SLC26A4: variants seen among roughly 807,000 people sequenced by gnomAD.
SLC26A4 encodes pendrin.
In SLC26A4, 93 loss-of-function variants were observed where a neutral mutation model predicts 90.4. The ratio of observed to expected loss-of-function variants is 1.03; its 90% confidence interval spans 0.87 to 1.22. The LOEUF is 1.22. SLC26A4 is among the 50% of genes most tolerant of loss of function. The pLI, the probability that SLC26A4 is intolerant of heterozygous loss-of-function variation, is 0.00. For missense variants in SLC26A4, 1,127 were observed against 946.2 expected (o/e 1.19, Z -2.51); for synonymous variants, 393 against 354.6 (o/e 1.11, Z -1.22).
chr7:107,673,254 A>G (rs1057404768), intron 4 of SLC26A4, among the ~76,000 whole-genome samples: 3 of 152,198 alleles, frequency 2.0e-5, no homozygotes, highest in African/African-American at 7.2e-5. Flanking sequence ...ATGGATAAAA[A>G]TAACAGTAGT....
In SLC26A4 at chr7:107,661,723, A is replaced by C; in HGVS notation, c.82A>C (p.Ser28Arg). The C allele has an allele frequency of 6.4e-7, 1 of 1,559,538 alleles. No homozygotes were observed. Residue 28 changes from serine to arginine, a missense_variant, in exon 2 of 21, where the codon AGC (serine) becomes CGC (arginine). Coordinates refer to ENST00000644269, the MANE Select transcript of SLC26A4 (RefSeq NM_000441.2). The surrounding 1 kb of genome is among the most constrained non-coding windows in gnomAD (Gnocchi z 5.1). ...CTACATGGTGTCGCGGCCGGTCTACAGCGAGCTCGCTTTCCAGCAACAGCA... is the reference window on the plus strand; with the variant it reads ...CTACATGGTGTCGCGGCCGGTCTACCGCGAGCTCGCTTTCCAGCAACAGCA... ...CSYMVSRPVY[S>R]ELAFQQQHER...
chr7:107,692,738 C>G (rs955981275), intron 10 of SLC26A4, among the ~76,000 whole-genome samples: 1 of 152,202 alleles, frequency 6.6e-6, no homozygotes, highest in African/African-American at 2.4e-5. Flanking sequence ...ACAAACCACT[C>G]TTTAGCTCTG....
intron 4 of SLC26A4, among the ~76,000 whole-genome samples, chr7:107,672,995 C>G (rs1047344112): frequency 1.6e-4 from 24 of 152,246 alleles, no homozygotes; most frequent in Middle Eastern, 3.4e-3. Flanking sequence ...CTACTTTATC[C>G]CCAACCCATG....
At chr7:107,701,355 G>A (rs1439643431) in intron 16 of SLC26A4, among the ~76,000 whole-genome samples, 159 bp downstream of exon 16, 1 of 152,200 alleles carries the variant, frequency 6.6e-6, no homozygotes, top group Non-Finnish European at 1.5e-5. Context: ...TTATAGGCAA[G>A]CGGGAGTGGA....
chr7:107,670,432 C>T (rs1221145151), intron 3 of SLC26A4, among the ~76,000 whole-genome samples: 1 of 152,062 alleles, frequency 6.6e-6, no homozygotes, highest in African/African-American at 2.4e-5. Flanking sequence ...AATGCGTACA[C>T]TCCCACAGGC....
intron 10 of SLC26A4, chr7:107,693,041 G>A (rs1428428775): frequency 2.0e-5 from 3 of 152,502 alleles, no homozygotes; most frequent in Non-Finnish European, 4.4e-5. Context: ...CCCATCCACA[G>A]TGAGATGCAA....
chr7:107,679,854 A>ATTATATTATATAATC lies in SLC26A4; in HGVS notation c.766-3328_766-3314dup, dbSNP rs1226755815. 3.7e-5 allele frequency among the ~76,000 whole-genome samples: 3 copies of ATTATATTATATAATC among 80,916 alleles called. No homozygotes were observed. In the East Asian group the frequency reaches 9.0e-4, roughly 24 times the overall value. The allele number at this position is 80,916 out of a possible 152,430, so 53.1% of individuals were successfully genotyped here. The stretch of plus-strand genomic sequence containing the variant: ...TTATATTATTATATAATCTTATATT[A>ATTATATTATATAATC]TTATATTATATAATCTTATATTATA... On this transcript the variant is annotated intron_variant, in intron 6 of 20. Coordinates refer to ENST00000644269, the MANE Select transcript of SLC26A4 (RefSeq NM_000441.2).
intron 17 of SLC26A4, 131 bp downstream of exon 17, chr7:107,702,188 A>AG: frequency 1.4e-6 from 1 of 724,564 alleles, no homozygotes; most frequent in Non-Finnish European, 2.5e-6. Context: ...TTTGTAAAAA[A>AG]GTGTAATATT....
In SLC26A4 at chr7:107,682,335, A is replaced by G. The variant is rs2129314232; in HGVS notation, c.766-867A>G. 2.0e-5 allele frequency among the ~76,000 whole-genome samples: 3 copies of G among 152,150 alleles called. No individual in the cohort carries two copies. In the South Asian group the frequency reaches 6.2e-4, roughly 32 times the overall value. ...CTAAAACTTAAAGTATAATTTAAAA[A>G]CAAAAAACAGAAAAAAACTACAGAT... On this transcript the variant is annotated intron_variant, in intron 6 of 20. Transcript: ENST00000644269.
chr7:107,682,104 T>TA (rs1169027377), intron 6 of SLC26A4, among the ~76,000 whole-genome samples: 1,989 of 33,126 alleles, frequency 0.06, 58 homozygotes, highest in Non-Finnish European at 0.078. Flanking sequence ...GCAAGAGAGC[T>TA]AAAAAAAAAA....
intron 20 of SLC26A4, 67 bp downstream of exon 20, chr7:107,712,689 G>A: frequency 1.2e-6 from 1 of 860,664 alleles, no homozygotes; most frequent in African/African-American, 1.7e-5. Flanking sequence ...AATACAAATA[G>A]TGAATATATC....
At position 107,661,393 on chromosome 7, in the gene SLC26A4, A is replaced by C. The variant is rs1584292282; in HGVS notation, c.-3-246A>C. On this transcript the variant is annotated intron_variant, in intron 1 of 20. Transcript: ENST00000644269. The surrounding 1 kb of genome is among the most constrained non-coding windows in gnomAD (Gnocchi z 5.1). ...GGCTTACTCGCTTCAAGTTTGGGGA[A>C]CCCCGGGCAGCGGGTGCAGGCCACG... 1.7e-6 allele frequency: 1 copy of C among 586,330 alleles called. No homozygotes were observed. The highest frequency in any genetic ancestry group is 1.9e-5 in the African/African-American group (1 of 53,382). The allele number at this position is 586,330 out of a possible 1,614,324, so 36.3% of individuals were successfully genotyped here.
chr7:107,682,131 T>C (rs10273002), intron 6 of SLC26A4, among the ~76,000 whole-genome samples: 5 of 97,566 alleles, frequency 5.1e-5, no homozygotes, highest in African/African-American at 2.1e-4. Context: ...AAAAAAAAAA[T>C]TTTTTTTATG....
intron 10 of SLC26A4, among the ~76,000 whole-genome samples, chr7:107,691,058 G>C (rs1238434066): frequency 6.6e-6 from 1 of 150,788 alleles, no homozygotes; most frequent in Non-Finnish European, 1.5e-5. Flanking sequence ...TTAGGAGTAA[G>C]AAGTGCATTG....
intron 8 of SLC26A4, among the ~76,000 whole-genome samples, chr7:107,686,385 CCT>C (rs1791410008): frequency 7.3e-6 from 1 of 137,552 alleles, no homozygotes; most frequent in Non-Finnish European, 1.6e-5. Flanking sequence ...CCCCTTCCTT[CCT>C]TCCTTCCTCT....
chr7:107,693,693 C>T (rs940253125), intron 10 of SLC26A4: 6 of 991,158 alleles, frequency 6.1e-6, no homozygotes, highest in African/African-American at 3.5e-5. Context: ...TTTTTGCCAG[C>T]GAAGGTAAAG....
rs1791527830 is a variant in SLC26A4, at chr7:107,690,192, T to C, written c.1218T>C (p.Ala406=). Residue 406 remains alanine, a synonymous_variant, in exon 10 of 21, where the codon GCT becomes GCC. Coordinates refer to ENST00000644269, the MANE Select transcript of SLC26A4 (RefSeq NM_000441.2). ...TCTCTTGTTTTGTGGCCACCACTGC[T>C]CTTTCCCGCACGGCCGTCCAGGAGA... is the stretch of plus-strand genomic sequence containing the variant. ...GFFSCFVATT[A]LSRTAVQEST... is the part of the protein sequence containing the mutation. The C allele has an allele frequency of 1.2e-6, 2 of 1,613,438 alleles. No homozygotes were observed. Among genetic ancestry groups the C allele is most frequent in the Non-Finnish European group, 1.7e-6 (2 of 1,179,410 alleles).
At chr7:107,666,732 G>C (rs529303049) in intron 3 of SLC26A4, among the ~76,000 whole-genome samples, 11 of 152,272 alleles carry the variant, frequency 7.2e-5, no homozygotes, top group African/African-American at 2.6e-4. Flanking sequence ...TGAGTGCAGT[G>C]GGGGAGGGTG....
At chr7:107,665,880 A>G (rs1391749363) in intron 3 of SLC26A4, among the ~76,000 whole-genome samples, 1 of 152,138 alleles carries the variant, frequency 6.6e-6, no homozygotes, top group Non-Finnish European at 1.5e-5. Context: ...GTAGTTCCTT[A>G]CTTTATGGGT....
Sources: gnomAD v4.1 joint callset for allele counts (sites outside exome capture counted in the v4.1 genomes callset) on GRCh38, gnomAD v4.1.1 for gene constraint, Gnocchi (gnomAD v3.1) non-coding constraint, MANE v1.5 for transcripts, NCBI Gene and HGNC (gene_info 2026-07-23, HGNC 2026-07-21) for gene names.